Variants in CNTNAP2 observed in about 807,000 individuals in gnomAD.
The protein encoded by CNTNAP2 is contactin associated protein 2, also known as contactin-associated protein-like 2.
In CNTNAP2, 98 loss-of-function variants were observed where a neutral mutation model predicts 155.2. The ratio of observed to expected loss-of-function variants is 0.63; its 90% CI spans 0.54 to 0.75. CNTNAP2 has a LOEUF of 0.75. CNTNAP2 is among the 30% of genes least tolerant of loss of function. CNTNAP2 has a pLI of 0.00. For missense variants in CNTNAP2, 1,727 were observed against 1,688.1 expected, an observed-to-expected ratio of 1.02 and a Z score of -0.40; for synonymous variants, 651 against 631.2, an observed-to-expected ratio of 1.03 and a Z score of -0.47.
At chr7:146,657,565 T>A (rs1420745070) in intron 1 of CNTNAP2, among the ~76,000 whole-genome samples, 1 of 152,174 alleles carries the variant, frequency 6.6e-6, no homozygotes, top group Non-Finnish European at 1.5e-5. Flanking sequence ...TTTCTCTCTC[T>A]ATTCTTTTGC....
At chr7:146,474,265 T>C (rs1325602176) in intron 1 of CNTNAP2, among the ~76,000 whole-genome samples, 2 of 149,358 alleles carry the variant, frequency 1.3e-5, no homozygotes, top group Non-Finnish European at 3.0e-5. Flanking sequence ...TTTCTGAATA[T>C]TTATATATAT....
chr7:146,503,054 T>G (rs1797330069), intron 1 of CNTNAP2, among the ~76,000 whole-genome samples: 1 of 152,224 alleles, frequency 6.6e-6, no homozygotes, highest in Non-Finnish European at 1.5e-5. Flanking sequence ...CGGAGTTTTT[T>G]TATTGAGTTG....
intron 10 of CNTNAP2, among the ~76,000 whole-genome samples, chr7:147,423,630 A>G (rs1350223197): frequency 6.6e-6 from 1 of 152,086 alleles, no homozygotes; most frequent in Non-Finnish European, 1.5e-5. Context: ...AGTTTTCAAT[A>G]TCCATGTAGA....
intron 8 of CNTNAP2, among the ~76,000 whole-genome samples, chr7:147,164,781 T>C (rs1308641144): frequency 6.6e-6 from 1 of 152,216 alleles, no homozygotes; most frequent in African/African-American, 2.4e-5. Flanking sequence ...ATCAACTGGC[T>C]ACAATTGTCC....
chr7:148,294,997 A>G (rs913003799), intron 21 of CNTNAP2, among the ~76,000 whole-genome samples: 1 of 152,206 alleles, frequency 6.6e-6, no homozygotes, highest in Admixed American at 6.5e-5. Context: ...CCATTTGTCT[A>G]AGGTCTTAAA....
intron 1 of CNTNAP2, among the ~76,000 whole-genome samples, chr7:146,619,224 T>C (rs1300573000): frequency 6.6e-6 from 1 of 152,200 alleles, no homozygotes; most frequent in African/African-American, 2.4e-5. Context: ...CTTTCCCTAA[T>C]TTTTTAATAT....
chr7:147,042,059 T>C (rs1799269024), intron 3 of CNTNAP2, among the ~76,000 whole-genome samples: 1 of 152,236 alleles, frequency 6.6e-6, no homozygotes, highest in African/African-American at 2.4e-5. Flanking sequence ...AAATGTCTTT[T>C]TAGAAATTGT....
intron 1 of CNTNAP2, among the ~76,000 whole-genome samples, chr7:146,633,856 A>C (rs868600093): frequency 2.7e-5 from 4 of 148,916 alleles, no homozygotes; most frequent in Non-Finnish European, 3.0e-5. Flanking sequence ...AAAAAAAAAA[A>C]CAGAAACGTC....
chr7:146,235,719 TG>T (rs746531747), intron 1 of CNTNAP2, among the ~76,000 whole-genome samples: 13 of 152,090 alleles, frequency 8.5e-5, no homozygotes, highest in Non-Finnish European at 1.6e-4. Context: ...CTCAGCCCGT[TG>T]GAAGTCAGGA....
At chr7:146,590,952 G>A (rs10952647) in intron 1 of CNTNAP2, among the ~76,000 whole-genome samples, 24,118 of 151,962 alleles carry the variant, frequency 0.16, 2,672 homozygotes, top group East Asian at 0.49. Flanking sequence ...GTTAAGTTCT[G>A]ACATGTGACT....
chr7:147,144,550 C>T (rs531614737), intron 8 of CNTNAP2, among the ~76,000 whole-genome samples: 4 of 152,236 alleles, frequency 2.6e-5, no homozygotes, highest in African/African-American at 7.2e-5. Flanking sequence ...ATCTTTTTCT[C>T]TCCAAAATCT....
At chr7:146,692,049 A>G (rs901674288) in intron 1 of CNTNAP2, among the ~76,000 whole-genome samples, 4 of 152,106 alleles carry the variant, frequency 2.6e-5, no homozygotes, top group African/African-American at 4.8e-5. Flanking sequence ...TTGGTCAGAG[A>G]TGACAGTCTA....
At chr7:146,902,048 C>CT (rs576042547) in intron 3 of CNTNAP2, among the ~76,000 whole-genome samples, 23 of 150,370 alleles carry the variant, frequency 1.5e-4, no homozygotes, top group African/African-American at 2.7e-4. Context: ...GCTAATTTTT[C>CT]TTTTTTTTTG....
intron 1 of CNTNAP2, among the ~76,000 whole-genome samples, chr7:146,447,943 A>G (rs1038955295): frequency 7.2e-5 from 11 of 152,110 alleles, no homozygotes; most frequent in African/African-American, 2.6e-4. Context: ...TGGGGATAAC[A>G]ATTTGTGACC....
At chr7:147,146,087 T>C (rs1031946575) in intron 8 of CNTNAP2, among the ~76,000 whole-genome samples, 2 of 152,322 alleles carry the variant, frequency 1.3e-5, no homozygotes, top group Middle Eastern at 6.8e-3. Context: ...CTGGTCAACA[T>C]AACAGATTGC....
chr7:146,984,216 A>C (rs1798072404), intron 3 of CNTNAP2, among the ~76,000 whole-genome samples: 1 of 151,806 alleles, frequency 6.6e-6, no homozygotes, highest in African/African-American at 2.4e-5. Context: ...AAAAATACAA[A>C]ATTAGTCGGG....
At chr7:147,747,470 A>C (rs771070088) in intron 13 of CNTNAP2, among the ~76,000 whole-genome samples, 1 of 152,172 alleles carries the variant, frequency 6.6e-6, no homozygotes, top group Non-Finnish European at 1.5e-5. Context: ...GCATATATAC[A>C]CTACATTTTT....
intron 1 of CNTNAP2, among the ~76,000 whole-genome samples, chr7:146,593,390 GGAAAGAGGGTTGAAT>G (rs1049743260): frequency 2.6e-5 from 4 of 151,986 alleles, no homozygotes; most frequent in African/African-American, 9.7e-5. Context: ...GAAGGGATCA[GGAAAGAGGGTTGAAT>G]GAAGAAGAGA....
At chr7:147,817,492 C>T (rs76738077) in intron 13 of CNTNAP2, among the ~76,000 whole-genome samples, 6,403 of 152,174 alleles carry the variant, frequency 0.042, 193 homozygotes, top group Middle Eastern at 0.061. Context: ...ACATATATGG[C>T]GCAGTGTATA....
Sources: allele counts gnomAD v4.1 joint callset (sites outside exome capture counted in the v4.1 genomes callset), GRCh38; gene constraint gnomAD v4.1.1; transcripts MANE v1.5; gene names NCBI Gene and HGNC (gene_info 2026-07-23, HGNC 2026-07-21).